Variants in SPAG16 observed in about 807,000 individuals in gnomAD.
The protein encoded by SPAG16 is sperm associated antigen 16.
Under a neutral mutation model 80.4 loss-of-function variants are expected in SPAG16, and 86 were observed. That is an observed-to-expected ratio of 1.07 (90% confidence interval 0.90 to 1.28). The LOEUF (loss-of-function observed/expected upper bound fraction) is 1.28, where lower values mean the gene tolerates loss of function less well. Ranked by LOEUF, SPAG16 falls within the 50% of genes most tolerant of loss-of-function variation. The pLI is 0.00. For missense variants in SPAG16, 870 were observed against 765.3 expected (o/e 1.14, Z -1.61); for synonymous variants, 294 against 265.9 (o/e 1.11, Z -1.03).
At chr2:213,750,215 A>G (rs1013927505) in intron 10 of SPAG16, among the ~76,000 whole-genome samples, 1 of 152,210 alleles carries the variant, frequency 6.6e-6, no homozygotes, top group Admixed American at 6.5e-5. Context: ...AAAGATTAAC[A>G]TTGCTACAGT....
chr2:213,309,606 C>G (rs1202123301), intron 3 of SPAG16, among the ~76,000 whole-genome samples: 1 of 151,978 alleles, frequency 6.6e-6, no homozygotes, highest in Non-Finnish European at 1.5e-5. Flanking sequence ...TTTGCACTTG[C>G]TGATGCAGAT....
chr2:213,421,620 G>C (rs992567864), intron 9 of SPAG16, among the ~76,000 whole-genome samples: 1 of 152,162 alleles, frequency 6.6e-6, no homozygotes. Context: ...TGATTTTTCT[G>C]GGCCCACCTA....
chr2:213,644,720 C>T (rs1201837351), intron 10 of SPAG16, among the ~76,000 whole-genome samples: 1 of 152,188 alleles, frequency 6.6e-6, no homozygotes, highest in Non-Finnish European at 1.5e-5. Context: ...CTCTCTCTCT[C>T]TGTTCTGAAC....
At chr2:213,778,353 T>C (rs2125574214) in intron 10 of SPAG16, among the ~76,000 whole-genome samples, 1 of 152,276 alleles carries the variant, frequency 6.6e-6, no homozygotes, top group Non-Finnish European at 1.5e-5. Flanking sequence ...CTATTGAGGA[T>C]AAAAGAAAGG....
intron 14 of SPAG16, among the ~76,000 whole-genome samples, chr2:214,136,608 C>A (rs2055066411): frequency 6.6e-6 from 1 of 152,132 alleles, no homozygotes; most frequent in Admixed American, 6.6e-5. Context: ...GAAGTATACA[C>A]CCAAAATTAC....
At chr2:213,476,826 GCAGGAGTGTTACAGCTCTTT>G (rs57610812) in intron 9 of SPAG16, among the ~76,000 whole-genome samples, 40,484 of 152,108 alleles carry the variant, frequency 0.27, 6,249 homozygotes, top group Middle Eastern at 0.44. Context: ...AGCTTGGTGA[GCAGGAGTGTTACAGCTCTTT>G]CATTCAAGCA....
chr2:213,327,481 A>G (rs2063895496), intron 5 of SPAG16, among the ~76,000 whole-genome samples: 2 of 152,120 alleles, frequency 1.3e-5, no homozygotes, highest in Non-Finnish European at 2.9e-5. Flanking sequence ...GGACGAGCAC[A>G]AATAGGCTTC....
At chr2:213,684,918 T>C (rs1426258886) in intron 10 of SPAG16, among the ~76,000 whole-genome samples, 1 of 152,210 alleles carries the variant, frequency 6.6e-6, no homozygotes, top group East Asian at 1.9e-4. Context: ...ATTGCAGCTC[T>C]ACATGTGCTA....
intron 11 of SPAG16, among the ~76,000 whole-genome samples, chr2:213,908,767 T>TA: frequency 6.6e-6 from 1 of 151,604 alleles, no homozygotes; most frequent in East Asian, 1.9e-4. Context: ...TGTCTTTTTT[T>TA]TTCCTTTTTT....
chr2:213,630,660 T>C (rs181318579), intron 10 of SPAG16, among the ~76,000 whole-genome samples: 49 of 152,190 alleles, frequency 3.2e-4, no homozygotes, highest in African/African-American at 1.1e-3. Context: ...TATAGAAACA[T>C]AGATAGAAGT....
chr2:214,061,007 C>T (rs900375166), intron 13 of SPAG16, among the ~76,000 whole-genome samples: 1 of 152,094 alleles, frequency 6.6e-6, no homozygotes, highest in Non-Finnish European at 1.5e-5. Context: ...CAGCTAAAAC[C>T]TTGAGATAGC....
chr2:214,075,074 TTTATAATCTTTTAAACA>T (rs1454676369), intron 13 of SPAG16, among the ~76,000 whole-genome samples: 2 of 152,176 alleles, frequency 1.3e-5, no homozygotes, highest in East Asian at 3.9e-4. Context: ...ACAATTGAAT[TTTATAATCTTTTAAACA>T]TTATAATCTT....
intron 10 of SPAG16, among the ~76,000 whole-genome samples, chr2:213,596,734 C>G (rs1474330417): frequency 6.6e-6 from 1 of 152,178 alleles, no homozygotes; most frequent in East Asian, 1.9e-4. Flanking sequence ...AGATTGAGCT[C>G]TCAGATCAGT....
intron 13 of SPAG16, among the ~76,000 whole-genome samples, chr2:214,067,703 A>G (rs145884681): frequency 2.0e-5 from 3 of 152,248 alleles, no homozygotes; most frequent in African/African-American, 7.2e-5. Flanking sequence ...CTGGATGTGA[A>G]TACATCCGGG....
intron 14 of SPAG16, among the ~76,000 whole-genome samples, chr2:214,147,285 A>G (rs1477164760): frequency 6.6e-6 from 1 of 152,138 alleles, no homozygotes; most frequent in Non-Finnish European, 1.5e-5. Context: ...TATTAAAACT[A>G]TTTACCTACT....
chr2:213,566,465 A>T (rs554816877), intron 10 of SPAG16, among the ~76,000 whole-genome samples: 2 of 152,256 alleles, frequency 1.3e-5, no homozygotes, highest in East Asian at 3.9e-4. Flanking sequence ...AAAAAAATAC[A>T]ATTTGAGGAA....
intron 13 of SPAG16, among the ~76,000 whole-genome samples, chr2:214,062,668 T>TA (rs1491184601): frequency 8.8e-4 from 22 of 25,096 alleles, no homozygotes; most frequent in Admixed American, 3.5e-3. Context: ...TAGCCTCCTC[T>TA]TTTTTTTTTT....
intron 10 of SPAG16, among the ~76,000 whole-genome samples, chr2:213,824,982 T>C (rs2073182830): frequency 1.3e-5 from 2 of 152,152 alleles, no homozygotes; most frequent in African/African-American, 4.8e-5. Context: ...TATTTATAAC[T>C]ATTGTAAATG....
chr2:213,342,638 T>C (rs1184739221), intron 6 of SPAG16, among the ~76,000 whole-genome samples: 1 of 152,038 alleles, frequency 6.6e-6, no homozygotes, highest in Non-Finnish European at 1.5e-5. Context: ...ATTAATGGAA[T>C]AAAATATTAT....
Sources: allele counts gnomAD v4.1 joint callset (sites outside exome capture counted in the v4.1 genomes callset), GRCh38; gene constraint gnomAD v4.1.1; transcripts MANE v1.5; gene names NCBI Gene and HGNC (gene_info 2026-07-23, HGNC 2026-07-21).